Variants in SFPQ observed in about 807,000 individuals in gnomAD.
SFPQ encodes the protein splicing factor proline and glutamine rich.
Under a neutral mutation model 72.9 loss-of-function variants are expected in SFPQ, and 11 were observed. The ratio of observed to expected loss-of-function variants is 0.15; its 90% CI spans 0.09 to 0.25. The LOEUF is 0.25. SFPQ is among the 10% of genes least tolerant of loss of function. The probability of loss-of-function intolerance (pLI) is 1.00; values close to 1 mark genes in which losing one functional copy is unlikely to be tolerated. For synonymous variants in SFPQ, 506 were observed against 367.3 expected, an observed-to-expected ratio of 1.38 and a Z score of -4.32; for missense variants, 847 against 993.3, an observed-to-expected ratio of 0.85 and a Z score of 1.98.
In SFPQ at chr1:35,183,024, G is replaced by C. The variant is rs1035417364; in HGVS notation, c.*1432C>G. 2 of 1,035,298 alleles carry C rather than the reference G, an allele frequency of 1.9e-6. No homozygotes were observed. Among genetic ancestry groups the C allele is most frequent in the South Asian group, 4.6e-5 (1 of 21,734 alleles). The allele number at this position is 1,035,298 out of a possible 1,614,324, so 64.1% of individuals were successfully genotyped here. A position where few individuals can be genotyped will look rare whatever the true frequency, so the allele number is the denominator to read the frequency against. On this transcript the variant is annotated 3_prime_UTR_variant, in exon 10 of 10. Coordinates refer to ENST00000357214, the MANE Select transcript of SFPQ (RefSeq NM_005066.3). ...TCCAGATTTAGTGCTACATGAAAAC[G>C]AAACTATGTGAAAACAAGTTAAATT...
At chr1:35,179,792 G>C, downstream of SFPQ, 2 of 1,054,026 alleles carry the variant, frequency 1.9e-6, no homozygotes, top group East Asian at 5.4e-5. Context: ...TTACTGACTG[G>C]TAAGAAATAG....
chr1:35,191,555 A>T (rs1639996964), intron 1 of SFPQ, 26 bp from the exon 2 acceptor site: 1 of 1,574,436 alleles, frequency 6.4e-7, no homozygotes, highest in Admixed American at 1.8e-5. Context: ...AGAAGTTTTC[A>T]AACACCAGAG....
intron 4 of SFPQ, among the ~76,000 whole-genome samples, chr1:35,189,795 A>G (rs957633423): frequency 6.6e-6 from 1 of 152,062 alleles, no homozygotes; most frequent in Non-Finnish European, 1.5e-5. Flanking sequence ...CTAAATATAC[A>G]AAAAATTAGC....
At chr1:35,178,942 G>C (rs1639358235), downstream of SFPQ, 9 of 1,052,158 alleles carry the variant, frequency 8.6e-6, no homozygotes, top group South Asian at 4.1e-4. Context: ...ACGTTTTTAT[G>C]GTTAATGGTT....
chr1:35,190,651 A>G (rs1431253099), intron 3 of SFPQ, 43 bp downstream of exon 3: 1 of 1,608,894 alleles, frequency 6.2e-7, no homozygotes, highest in Admixed American at 1.7e-5. Context: ...CACCATTCTC[A>G]TATAAGTTGA....
downstream of SFPQ, chr1:35,182,854 C>CTAG (rs2148609619): frequency 9.5e-7 from 1 of 1,047,282 alleles, no homozygotes; most frequent in Non-Finnish European, 1.2e-6. Flanking sequence ...CAACAATAAA[C>CTAG]AATCTACTTT....
At chr1:35,189,984 A>T (rs949771975) in intron 4 of SFPQ, among the ~76,000 whole-genome samples, 1 of 152,056 alleles carries the variant, frequency 6.6e-6, no homozygotes, top group African/African-American at 2.4e-5. Flanking sequence ...TACTTCAGCC[A>T]GGCACGGTGC....
chr1:35,189,534 A>G, intron 4 of SFPQ, 152 bp from the exon 5 acceptor site: 1 of 587,504 alleles, frequency 1.7e-6, no homozygotes, highest in Non-Finnish European at 3.0e-6. Flanking sequence ...CTTCACAGCA[A>G]AAATACTCAG....
At chr1:35,176,963 C>T (rs1029332651) in intron 5 of SFPQ, among the ~76,000 whole-genome samples, 2 of 152,060 alleles carry the variant, frequency 1.3e-5, no homozygotes, top group African/African-American at 4.8e-5. Flanking sequence ...AGCCTGTAAT[C>T]CCAGCACTTT....
chr1:35,192,973 C>T lies in SFPQ; in HGVS notation c.77G>A (p.Gly26Asp). ...FHRRGGGGGRGGLHDFRSPPP... is the reference protein window; with the variant it reads ...FHRRGGGGGRDGLHDFRSPPP... ...CGGAGAACGGAAGTCGTGGAGGCCG[C>T]CGCGGCCGCCGCCTCCTCCACGCCT... The change falls in exon 1 of 10, where the codon GGC becomes GAC. Residue 26 changes from glycine to aspartate, a missense_variant. Coordinates refer to ENST00000357214, the MANE Select transcript of SFPQ (RefSeq NM_005066.3). 1 of 1,573,098 alleles carries T rather than the reference C, an allele frequency of 6.4e-7. No homozygotes were observed. The highest frequency in any genetic ancestry group is 8.6e-7 in the Non-Finnish European group (1 of 1,168,348).
chr1:35,192,680 C>T lies in SFPQ; in HGVS notation c.370G>A (p.Ala124Thr), dbSNP rs17857394. 4 of 1,417,738 alleles carry T rather than the reference C, an allele frequency of 2.8e-6. No homozygotes were observed. The highest frequency in any genetic ancestry group is 3.0e-5 in the Admixed American group (1 of 33,382). The allele number at this position is 1,417,738 out of a possible 1,614,324, so 87.8% of individuals were successfully genotyped here. Residue 124 changes from alanine to threonine, a missense_variant, in exon 1 of 10, where the codon GCA becomes ACA. Ala to Thr is a moderately conservative substitution (Grantham distance 58). This residue lies in a region of SFPQ where 498 missense variants were observed against 405.1 expected (regional missense o/e 1.23). Transcript: ENST00000357214. Reference sequence around the variant, plus strand: ...GGGGCCGAGCTGGAGGCTGGTGGTGCGCTGCCTACTCCGGGAGCGGGGCCG... The same window carrying T: ...GGGGCCGAGCTGGAGGCTGGTGGTGTGCTGCCTACTCCGGGAGCGGGGCCG... Reference protein sequence around the residue: ...GPGPAPGVGSAPPASSSAPPA... With the variant: ...GPGPAPGVGSTPPASSSAPPA...
rs17855695 is a variant in SFPQ at position 35,192,346 on chromosome 1, T to A, written c.704A>T (p.His235Leu). Reference sequence around the variant, plus strand: ...CCCGCGGGGCTCCCCGCCGCCTCGATGCGGCGGCTTGGGGTGGCCGCCAGG... The same window carrying A: ...CCCGCGGGGCTCCCCGCCGCCTCGAAGCGGCGGCTTGGGGTGGCCGCCAGG... ...STPGGHPKPP[H>L]RGGGEPRGGR... Residue 235 changes from histidine (H) to leucine (L), a missense_variant, in exon 1 of 10, where the codon CAT (histidine) becomes CTT (leucine). His to Leu is a moderately conservative substitution (Grantham distance 99). This residue lies in a region of SFPQ where 498 missense variants were observed against 405.1 expected (regional missense o/e 1.23). Transcript: ENST00000357214. The A allele has an allele frequency of 1.4e-6, 2 of 1,395,924 alleles. No homozygotes were observed. The highest frequency in any genetic ancestry group is 3.8e-5 in the Admixed American group (1 of 26,172). 86.5% of individuals were successfully genotyped at this position (1,395,924 alleles called of 1,614,324 possible).
In SFPQ at chr1:35,192,486, G is replaced by T; in HGVS notation, c.564C>A (p.Pro188=). 7.5e-7 allele frequency: 1 copy of T among 1,328,590 alleles called. No individual in the cohort carries two copies. The allele number at this position is 1,328,590 out of a possible 1,614,324, so 82.3% of individuals were successfully genotyped here. ...PPQAGGPPPP[P]AAVPGPGPGP... The stretch of plus-strand genomic sequence containing the variant: ...CTGGACCCGGGCCCGGGACTGCCGC[G>T]GGCGGAGGCGGCGGGCCTCCGGCCT... Residue 188 remains proline, a synonymous_variant, in exon 1 of 10, where the codon CCC becomes CCA. Transcript: ENST00000357214.
chr1:35,183,255 C>G lies in SFPQ; in HGVS notation c.*1201G>C. 1.2e-6 allele frequency: 1 copy of G among 856,792 alleles called. No individual in the cohort carries two copies. The highest frequency in any genetic ancestry group is 1.4e-6 in the Non-Finnish European group (1 of 705,096). The allele number at this position is 856,792 out of a possible 1,614,324, so 53.1% of individuals were successfully genotyped here. The stretch of plus-strand genomic sequence containing the variant: ...TTTTTTTTTGAGACAGAGTCTCGCT[C>G]TGTTGTCCAGGCTGGAGTGCAGTGG... On this transcript the variant is annotated 3_prime_UTR_variant, in exon 10 of 10. Coordinates refer to ENST00000357214, the MANE Select transcript of SFPQ (RefSeq NM_005066.3).
At position 35,190,006 on chromosome 1, in the gene SFPQ, A is replaced by G. The variant is rs1333128755; in HGVS notation, c.1415+492T>C. Among the ~76,000 whole-genome samples, 3 of 152,264 alleles carry G rather than the reference A, an allele frequency of 2.0e-5. No homozygotes were observed. In the East Asian group the frequency reaches 5.8e-4, roughly 29 times the overall value. ...GCCAGGCACGGTGCATCATGCCTGT[A>G]TCCCAGCACTTTGAGAGGCCGAGGT... is the stretch of plus-strand genomic sequence containing the variant. On this transcript the variant is annotated intron_variant, in intron 4 of 9. Coordinates refer to ENST00000357214, the MANE Select transcript of SFPQ (RefSeq NM_005066.3).
At position 35,184,403 on chromosome 1, in the gene SFPQ, G is replaced by A; in HGVS notation, c.*53C>T. On this transcript the variant is annotated 3_prime_UTR_variant, in exon 10 of 10. Coordinates refer to ENST00000357214, the MANE Select transcript of SFPQ (RefSeq NM_005066.3). ...CTAAAATGCAAGAATTTAAAAGATT[G>A]GTATCTAAACAAAAAAACAAAACAA... The A allele has an allele frequency of 1.3e-6, 2 of 1,585,894 alleles. No homozygotes were observed. The highest frequency in any genetic ancestry group is 1.2e-5 in the South Asian group (1 of 85,260).
chr1:35,176,703 A>G (rs1364912414), intron 5 of SFPQ, among the ~76,000 whole-genome samples: 1 of 151,286 alleles, frequency 6.6e-6, no homozygotes, highest in African/African-American at 2.4e-5. Flanking sequence ...CTCTGTCTCT[A>G]CTAAAAAATA....
Position 35,184,543 on chromosome 1 carries a change from A to T in SFPQ, c.2037T>A (p.Gly679=). 6.2e-7 allele frequency: 1 copy of T among 1,612,310 alleles called. No homozygotes were observed. The highest frequency in any genetic ancestry group is 8.5e-7 in the Non-Finnish European group (1 of 1,179,324). The change falls in exon 10 of 10, where the codon GGT becomes GGA. Residue 679 remains glycine (G), a synonymous_variant. Coordinates refer to ENST00000357214, the MANE Select transcript of SFPQ (RefSeq NM_005066.3). ...QGGAGPVGGQ[G]PRGMGPGTPA... ...GAGTTCCAGGCCCCATTCCTCTAGG[A>T]CCCTGTCCACCCACAGGCCCCGCAC... is the stretch of plus-strand genomic sequence containing the variant.
chr1:35,188,935 C>T (rs1441725808), intron 6 of SFPQ, 68 bp downstream of exon 6: 10 of 1,286,302 alleles, frequency 7.8e-6, no homozygotes, highest in East Asian at 4.8e-5. Context: ...CACTCCAGCC[C>T]GGGCAACAGA....
Sources: gnomAD v4.1 joint callset for allele counts (sites outside exome capture counted in the v4.1 genomes callset) on GRCh38, gnomAD v4.1.1 for gene constraint, gnomAD v4.1.1 regional missense constraint, MANE v1.5 for transcripts, NCBI Gene and HGNC (gene_info 2026-07-23, HGNC 2026-07-21) for gene names.